Variants in PLEKHH2 observed in about 807,000 individuals in gnomAD.
PLEKHH2 encodes pleckstrin homology, MyTH4 and FERM domain containing H2.
PLEKHH2 carries 129 observed loss-of-function variants against 187.9 expected under a neutral mutation model. That is an observed-to-expected ratio of 0.69 (90% CI 0.59 to 0.79). The LOEUF is 0.79. PLEKHH2 is among the 30% of genes least tolerant of loss of function. The pLI is 0.00. For synonymous variants in PLEKHH2, 686 were observed against 605.6 expected (o/e 1.13, Z -1.95); for missense variants, 2,076 against 1,751.2 (o/e 1.19, Z -3.31).
intron 2 of PLEKHH2, chr2:43,675,462 C>T (rs1667701294): frequency 6.2e-7 from 1 of 1,613,966 alleles, no homozygotes; most frequent in Non-Finnish European, 8.5e-7. Context: ...ACAGGCCATA[C>T]ATCATTACTT....
intron 16 of PLEKHH2, among the ~76,000 whole-genome samples, chr2:43,724,986 A>G (rs1670667037): frequency 6.6e-6 from 1 of 152,210 alleles, no homozygotes; most frequent in South Asian, 2.1e-4. Context: ...AGTTTAGTAG[A>G]TAGTGCAAAA....
At chr2:43,675,561 C>T in intron 2 of PLEKHH2, 1 of 1,613,828 alleles carries the variant, frequency 6.2e-7, no homozygotes, top group Non-Finnish European at 8.5e-7. Flanking sequence ...TAGACAATGC[C>T]TCTTCAATAA....
chr2:43,689,789 C>T (rs182861518), intron 3 of PLEKHH2, among the ~76,000 whole-genome samples: 2 of 152,260 alleles, frequency 1.3e-5, no homozygotes, highest in East Asian at 1.9e-4. Context: ...AGGATGCATC[C>T]GAGGAGCTCT....
chr2:43,687,913 C>T (rs1374432021), intron 3 of PLEKHH2, among the ~76,000 whole-genome samples: 3 of 152,066 alleles, frequency 2.0e-5, no homozygotes, highest in South Asian at 2.1e-4. Context: ...TCTCCCACTT[C>T]GGCCTTTTGA....
chr2:43,733,362 C>CA (rs60417054), intron 19 of PLEKHH2, among the ~76,000 whole-genome samples: 1,929 of 105,228 alleles, frequency 0.018, 26 homozygotes, highest in Non-Finnish European at 0.03. Context: ...GACTCCATCT[C>CA]AAAAAAAAAA....
intron 28 of PLEKHH2, 93 bp downstream of exon 28, chr2:43,762,483 T>G: frequency 1.0e-6 from 1 of 971,488 alleles, no homozygotes; most frequent in South Asian, 1.4e-5. Flanking sequence ...AATCTGATTT[T>G]TCTCTTACCC....
chr2:43,744,799 T>G (rs1300511621), intron 23 of PLEKHH2, among the ~76,000 whole-genome samples: 1 of 144,396 alleles, frequency 6.9e-6, no homozygotes, highest in Non-Finnish European at 1.5e-5. Flanking sequence ...GCCCATGAGG[T>G]CGAGGCTGCA....
At chr2:43,648,560 CGTGTGTGTGTGT>C (rs71410194) in intron 2 of PLEKHH2, among the ~76,000 whole-genome samples, 92 of 137,954 alleles carry the variant, frequency 6.7e-4, no homozygotes, top group African/African-American at 2.0e-3. Context: ...TAATTACATT[CGTGTGTGTGTGT>C]GTGTGTGTGT....
At chr2:43,639,570 G>T (rs1436053635) in intron 1 of PLEKHH2, among the ~76,000 whole-genome samples, 1 of 151,612 alleles carries the variant, frequency 6.6e-6, no homozygotes, top group Non-Finnish European at 1.5e-5. Flanking sequence ...TGTTTTCAAG[G>T]CTCTTCCATG....
rs538645371 is a variant in PLEKHH2, at chr2:43,751,006, C to G, written c.3654-2613C>G. Reference sequence around the variant, plus strand: ...CAGGCTGCCTGGGTTAGAATCCTGGCTCTACCACTTACTATGTGGCCCTGA... The same window carrying G: ...CAGGCTGCCTGGGTTAGAATCCTGGGTCTACCACTTACTATGTGGCCCTGA... On this transcript the variant is annotated intron_variant, in intron 24 of 29. Coordinates refer to ENST00000282406, the MANE Select transcript of PLEKHH2 (RefSeq NM_172069.4). Among the ~76,000 whole-genome samples, 4 of 152,322 alleles carry G rather than the reference C, an allele frequency of 2.6e-5. No individual in the cohort carries two copies. The East Asian group carries it at 7.7e-4, about 29-fold the overall frequency.
intron 19 of PLEKHH2, among the ~76,000 whole-genome samples, chr2:43,736,464 G>T (rs1174288254): frequency 6.6e-6 from 1 of 152,172 alleles, no homozygotes; most frequent in Non-Finnish European, 1.5e-5. Context: ...CAGAGAGGGA[G>T]CACCCAAATA....
At chr2:43,701,372 T>A (rs1669353474) in intron 8 of PLEKHH2, among the ~76,000 whole-genome samples, 1 of 152,186 alleles carries the variant, frequency 6.6e-6, no homozygotes, top group South Asian at 2.1e-4. Context: ...ATTAAGCCAC[T>A]CTTCCTCTTG....
At chr2:43,724,768 G>C (rs1670657524) in intron 16 of PLEKHH2, among the ~76,000 whole-genome samples, 1 of 152,078 alleles carries the variant, frequency 6.6e-6, no homozygotes, top group African/African-American at 2.4e-5. Flanking sequence ...TTGTCCTTTT[G>C]ATCCAATAAC....
At chr2:43,691,379 G>T (rs116460459) in intron 3 of PLEKHH2, among the ~76,000 whole-genome samples, 2 of 152,208 alleles carry the variant, frequency 1.3e-5, no homozygotes, top group African/African-American at 4.8e-5. Context: ...TAGGGAGTGC[G>T]TGCTGATTGG....
Position 43,753,716 on chromosome 2 carries a change from C to G in PLEKHH2, c.3751C>G (p.Leu1251Val), listed in dbSNP as rs571081226. 6.3e-7 allele frequency: 1 copy of G among 1,584,138 alleles called. No homozygotes were observed. Among genetic ancestry groups the G allele is most frequent in the Admixed American group, 1.9e-5 (1 of 54,026 alleles). Residue 1251 changes from leucine to valine, a missense_variant, in exon 25 of 30, where the codon CTG (leucine) becomes GTG (valine). Leu to Val is a conservative substitution (Grantham distance 32). Coordinates refer to ENST00000282406, the MANE Select transcript of PLEKHH2 (RefSeq NM_172069.4). ...TCAAATCATAAATGGACTTTTTCCT[C>G]TGAACAAAGATCTGGCATTAGAAAT... ...NDQIINGLFPLNKDLALEMAA... is the reference protein window; with the variant it reads ...NDQIINGLFPVNKDLALEMAA...
At chr2:43,761,645 A>T (rs1178297292) in intron 27 of PLEKHH2, among the ~76,000 whole-genome samples, 6 of 152,086 alleles carry the variant, frequency 3.9e-5, no homozygotes. Context: ...TCCTGGCCTC[A>T]GATGATCCAC....
chr2:43,659,611 G>C, intron 2 of PLEKHH2, among the ~76,000 whole-genome samples: 1 of 149,354 alleles, frequency 6.7e-6, no homozygotes, highest in South Asian at 2.1e-4. Flanking sequence ...GCACTGGAGT[G>C]CAGTGGTCAG....
At chr2:43,733,592 G>A (rs543352580) in intron 19 of PLEKHH2, among the ~76,000 whole-genome samples, 2 of 151,990 alleles carry the variant, frequency 1.3e-5, no homozygotes, top group African/African-American at 4.8e-5. Flanking sequence ...AGATAATATG[G>A]AATTATTGTT....
chr2:43,699,526 C>G (rs1450225557), intron 7 of PLEKHH2, 121 bp from the exon 8 acceptor site: 1 of 1,209,236 alleles, frequency 8.3e-7, no homozygotes, highest in African/African-American at 1.5e-5. Flanking sequence ...TACAGGTACA[C>G]ACCACTGCAC....
Sources: allele counts gnomAD v4.1 joint callset (sites outside exome capture counted in the v4.1 genomes callset), GRCh38; gene constraint gnomAD v4.1.1; transcripts MANE v1.5; gene names NCBI Gene and HGNC (gene_info 2026-07-23, HGNC 2026-07-21).